Variants in ZNF148 observed in about 807,000 individuals in gnomAD.
ZNF148 encodes the protein zinc finger protein 148, also known as Beta-Enolase Repressor Factor-1.
In ZNF148, 7 loss-of-function variants were observed where a neutral mutation model predicts 67.7. That is an observed-to-expected ratio of 0.10 (90% CI 0.06 to 0.19). ZNF148 has a LOEUF of 0.19. Ranked by LOEUF, ZNF148 falls within the 10% of genes least tolerant of loss-of-function variation. The probability of loss-of-function intolerance (pLI) is 1.00; values close to 1 mark genes in which losing one functional copy is unlikely to be tolerated. For missense variants in ZNF148, 583 were observed against 947.1 expected, an observed-to-expected ratio of 0.62 and a Z score of 5.05; for synonymous variants, 333 against 330.7, an observed-to-expected ratio of 1.01 and a Z score of -0.08.
chr3:125,333,654 TCCC>T (rs1213920965), intron 1 of ZNF148, among the ~76,000 whole-genome samples: 1 of 152,172 alleles, frequency 6.6e-6, no homozygotes, highest in Non-Finnish European at 1.5e-5. Context: ...CTTGCCCTAC[TCCC>T]CCACTTCAGC....
chr3:125,230,152 C>G lies in ZNF148; in HGVS notation c.*2189G>C, dbSNP rs1054978395. On this transcript the variant is annotated 3_prime_UTR_variant, in exon 9 of 9. Coordinates refer to ENST00000360647, the MANE Select transcript of ZNF148 (RefSeq NM_021964.3). ...ACTATGCTGGTGATGTTAAAACAAC[C>G]GAAAAAAACCTCTCCACTGTATCAA... 3 of 152,370 alleles carry G rather than the reference C, an allele frequency of 2.0e-5. No individual in the cohort carries two copies. Among genetic ancestry groups the G allele is most frequent in the East Asian group, 1.9e-4 (1 of 5,170 alleles). The allele number at this position is 152,370 out of a possible 1,614,324, so 9.4% of individuals were successfully genotyped here. A position where few individuals can be genotyped will look rare whatever the true frequency, so the allele number is the denominator to read the frequency against.
At chr3:125,328,048 G>A (rs1400330572) in intron 2 of ZNF148, among the ~76,000 whole-genome samples, 1 of 151,346 alleles carries the variant, frequency 6.6e-6, no homozygotes, top group Non-Finnish European at 1.5e-5. Context: ...TCCATCATGA[G>A]TCCCAATACC....
chr3:125,263,427 T>A (rs1350264849), intron 7 of ZNF148, among the ~76,000 whole-genome samples: 1 of 152,002 alleles, frequency 6.6e-6, no homozygotes, highest in Non-Finnish European at 1.5e-5. Context: ...GGCATGCACC[T>A]GTAATCCCAG....
rs533955969 is a variant in ZNF148 at position 125,300,634 on chromosome 3, T to C, written c.334-12406A>G. On this transcript the variant is annotated intron_variant, in intron 4 of 8. Transcript: ENST00000360647. ...TTCATGACTAACAATGTTACATGAA[T>C]GCTAAAGCATTTTTTAAGGAATTAC... Among the ~76,000 whole-genome samples the C allele has an allele frequency of 2.5e-4, 38 of 152,368 alleles. No homozygotes were observed. In the South Asian group the frequency reaches 6.4e-3, roughly 26 times the overall value.
chr3:125,234,158 T>C, intron 8 of ZNF148, 53 bp downstream of exon 8: 4 of 1,293,524 alleles, frequency 3.1e-6, no homozygotes, highest in Non-Finnish European at 4.4e-6. Context: ...ATCTAATTTA[T>C]AATTATTGTA....
At chr3:125,314,272 T>C (rs1940378586) in intron 3 of ZNF148, among the ~76,000 whole-genome samples, 1 of 152,186 alleles carries the variant, frequency 6.6e-6, no homozygotes, top group African/African-American at 2.4e-5. Context: ...TATCAAATGC[T>C]ATGAAACGTA....
In ZNF148 at chr3:125,280,748, T is replaced by C. The variant is rs146264639; in HGVS notation, c.460-1501A>G. Among the ~76,000 whole-genome samples the C allele has an allele frequency of 6.5e-3, 897 of 137,178 alleles. 6 individuals are homozygous for C. The highest frequency in any genetic ancestry group is 0.023 in the African/African-American group (814 of 35,042). The allele number at this position is 137,178 out of a possible 152,430, so 90.0% of individuals were successfully genotyped here. ...GAAAATAATGATTCCTTTTTCATTATTGACGAAAGCAAAAAAAAAAAAAAA... is the reference window on the plus strand; with the variant it reads ...GAAAATAATGATTCCTTTTTCATTACTGACGAAAGCAAAAAAAAAAAAAAA... On this transcript the variant is annotated intron_variant, in intron 5 of 8. Coordinates refer to ENST00000360647, the MANE Select transcript of ZNF148 (RefSeq NM_021964.3).
At chr3:125,259,208 A>T (rs1937228044) in intron 7 of ZNF148, among the ~76,000 whole-genome samples, 1 of 152,244 alleles carries the variant, frequency 6.6e-6, no homozygotes, top group Non-Finnish European at 1.5e-5. Context: ...TGCGTAAAAT[A>T]GCTGAACAGA....
intron 1 of ZNF148, among the ~76,000 whole-genome samples, chr3:125,342,515 G>C (rs992920998): frequency 2.6e-5 from 4 of 151,924 alleles, no homozygotes; most frequent in Non-Finnish European, 4.4e-5. Flanking sequence ...ACTGCCAACT[G>C]GGAATTCTAT....
intron 1 of ZNF148, among the ~76,000 whole-genome samples, chr3:125,350,407 C>T (rs1287365125): frequency 2.6e-5 from 4 of 152,146 alleles, no homozygotes; most frequent in Admixed American, 6.5e-5. Flanking sequence ...TCAAATGACC[C>T]GCCTGCCTTG....
intron 5 of ZNF148, among the ~76,000 whole-genome samples, chr3:125,285,480 A>T (rs2107619586): frequency 6.6e-6 from 1 of 152,304 alleles, no homozygotes; most frequent in African/African-American, 2.4e-5. Flanking sequence ...GTTAAAAAAC[A>T]GTCCAAAACC....
intron 4 of ZNF148, among the ~76,000 whole-genome samples, chr3:125,310,317 T>C (rs1041421427): frequency 1.3e-5 from 2 of 152,054 alleles, no homozygotes; most frequent in Non-Finnish European, 2.9e-5. Flanking sequence ...TGAGCTCAAG[T>C]AATCCGCCAC....
chr3:125,363,358 T>C (rs1942602193), intron 1 of ZNF148, among the ~76,000 whole-genome samples: 1 of 152,224 alleles, frequency 6.6e-6, no homozygotes, highest in Non-Finnish European at 1.5e-5. Flanking sequence ...CAACTCTATA[T>C]TGGACTTCTT....
In ZNF148 at chr3:125,317,662, T is replaced by TAGAGAGAGAGAGAGAG. The variant is rs1553708261; in HGVS notation, c.-16-4022_-16-4007dup. On this transcript the variant is annotated intron_variant, in intron 3 of 8. Transcript: ENST00000360647. ...GATCTTTTATATATATATATATATA[T>TAGAGAGAGAGAGAGAG]AGAGAGAGAGAGAGAGAAATACATA... Among the ~76,000 whole-genome samples the TAGAGAGAGAGAGAGAG allele has an allele frequency of 9.7e-3, 870 of 90,022 alleles. 26 individuals are homozygous for TAGAGAGAGAGAGAGAG. The highest frequency in any genetic ancestry group is 0.043 in the East Asian group (175 of 4,050). 59.1% of individuals were successfully genotyped at this position (90,022 alleles called of 152,430 possible). A position where few individuals can be genotyped will look rare whatever the true frequency, so the allele number is the denominator to read the frequency against.
At chr3:125,324,999 A>C (rs1256141758) in intron 2 of ZNF148, among the ~76,000 whole-genome samples, 1 of 152,148 alleles carries the variant, frequency 6.6e-6, no homozygotes, top group African/African-American at 2.4e-5. Context: ...AAATGACAAC[A>C]GTAACAATAA....
chr3:125,351,777 C>T (rs1294068814), intron 1 of ZNF148, among the ~76,000 whole-genome samples: 1 of 152,026 alleles, frequency 6.6e-6, no homozygotes, highest in East Asian at 1.9e-4. Context: ...ATACAAATGG[C>T]CAATAAGCAG....
intron 7 of ZNF148, among the ~76,000 whole-genome samples, chr3:125,244,313 A>C (rs1017004869): frequency 6.6e-6 from 1 of 152,190 alleles, no homozygotes; most frequent in African/African-American, 2.4e-5. Context: ...TTATAAAGAC[A>C]TAAGATTTAT....
chr3:125,262,625 A>T (rs1348046948), intron 7 of ZNF148, among the ~76,000 whole-genome samples: 12 of 152,258 alleles, frequency 7.9e-5, no homozygotes, highest in African/African-American at 2.7e-4. Context: ...GCTAATTTCT[A>T]AAGCTATTCT....
intron 1 of ZNF148, among the ~76,000 whole-genome samples, chr3:125,349,627 G>A (rs1026401977): frequency 6.6e-6 from 1 of 152,186 alleles, no homozygotes; most frequent in Non-Finnish European, 1.5e-5. Context: ...AATATTGCTG[G>A]TGGAAATGTA....
Sources: allele counts gnomAD v4.1 joint callset (sites outside exome capture counted in the v4.1 genomes callset), GRCh38; gene constraint gnomAD v4.1.1; transcripts MANE v1.5; gene names NCBI Gene and HGNC (gene_info 2026-07-23, HGNC 2026-07-21).